The following KLRF1 variants were observed in gnomAD, a reference collection of about 807,000 sequenced individuals.
KLRF1 encodes killer cell lectin like receptor F1, also known as killer cell lectin-like receptor subfamily F member 1.
KLRF1 carries 27 observed loss-of-function variants against 30.7 expected under a neutral mutation model. The ratio of observed to expected loss-of-function variants is 0.88; its 90% confidence interval spans 0.65 to 1.21. KLRF1 has a LOEUF of 1.21. KLRF1 is among the 50% of genes most tolerant of loss of function. KLRF1 has a pLI of 0.00. For synonymous variants in KLRF1, 92 were observed against 89.3 expected, an observed-to-expected ratio of 1.03 and a Z score of -0.17; for missense variants, 246 against 259.3, an observed-to-expected ratio of 0.95 and a Z score of 0.35.
chr12:9,823,236 AC>A (rs1208319797), upstream of KLRF1, among the ~76,000 whole-genome samples: 5 of 144,740 alleles, frequency 3.5e-5, no homozygotes, highest in African/African-American at 1.4e-4. Context: ...AAAAAAAAAA[AC>A]AAAAACTCAA....
the KLRF1 span, among the ~76,000 whole-genome samples, chr12:9,807,187 CT>C: frequency 6.1e-4 from 3 of 4,940 alleles, no homozygotes; most frequent in Non-Finnish European, 0.019. Flanking sequence ...TAGAAAATCA[CT>C]CATGATTTTA....
chr12:9,800,714 A>G, the KLRF1 span, among the ~76,000 whole-genome samples: 1 of 151,468 alleles, frequency 6.6e-6, no homozygotes, highest in Admixed American at 6.6e-5. Flanking sequence ...CAGGTAATTC[A>G]TTTTCTTATT....
At chr12:9,814,234 T>C in the KLRF1 span, among the ~76,000 whole-genome samples, 4 of 152,138 alleles carry the variant, frequency 2.6e-5, no homozygotes, top group Non-Finnish European at 4.4e-5. Flanking sequence ...CCCCAGAGCC[T>C]GACAGCCACT....
chr12:9,836,883 T>C (rs1278612732), intron 3 of KLRF1, among the ~76,000 whole-genome samples: 1 of 152,154 alleles, frequency 6.6e-6, no homozygotes, highest in Admixed American at 6.6e-5. Context: ...CATGGAATCA[T>C]GTACATGGCA....
chr12:9,819,421 C>T, the KLRF1 span, among the ~76,000 whole-genome samples: 1 of 152,170 alleles, frequency 6.6e-6, no homozygotes, highest in South Asian at 2.1e-4. Flanking sequence ...GAAGGAGGGG[C>T]TGGACATCAT....
chr12:9,812,062 G>A, the KLRF1 span, among the ~76,000 whole-genome samples: 3 of 152,148 alleles, frequency 2.0e-5, no homozygotes, highest in Non-Finnish European at 4.4e-5. Context: ...CATCAATAAA[G>A]AATGTTTATA....
At chr12:9,836,783 T>G (rs763320296) in intron 3 of KLRF1, among the ~76,000 whole-genome samples, 2 of 152,286 alleles carry the variant, frequency 1.3e-5, no homozygotes, top group South Asian at 4.1e-4. Context: ...ACCTCATATT[T>G]TATTGTCTCC....
chr12:9,805,316 T>C, the KLRF1 span, among the ~76,000 whole-genome samples: 6 of 151,928 alleles, frequency 3.9e-5, no homozygotes, highest in South Asian at 1.3e-3. Flanking sequence ...CACATTGACA[T>C]CTTGTGTGTC....
intron 3 of KLRF1, among the ~76,000 whole-genome samples, chr12:9,834,188 ACTT>A (rs1173655147): frequency 6.6e-6 from 1 of 151,898 alleles, no homozygotes; most frequent in Non-Finnish European, 1.5e-5. Flanking sequence ...GGCCATTTTC[ACTT>A]CTTTTATGGT....
At chr12:9,808,197 T>G in the KLRF1 span, among the ~76,000 whole-genome samples, 3 of 152,164 alleles carry the variant, frequency 2.0e-5, no homozygotes, top group African/African-American at 7.2e-5. Context: ...GACATATGTG[T>G]GAATCCATGT....
At chr12:9,809,993 T>A in the KLRF1 span, among the ~76,000 whole-genome samples, 1 of 152,176 alleles carries the variant, frequency 6.6e-6, no homozygotes, top group Non-Finnish European at 1.5e-5. Context: ...TTGATAAATC[T>A]GCAAGAAACA....
chr12:9,815,171 C>A, the KLRF1 span, among the ~76,000 whole-genome samples: 1 of 152,114 alleles, frequency 6.6e-6, no homozygotes, highest in South Asian at 2.1e-4. Context: ...GAATACTTTT[C>A]TTATAAATCA....
chr12:9,812,352 G>A, the KLRF1 span, among the ~76,000 whole-genome samples: 1 of 142,614 alleles, frequency 7.0e-6, no homozygotes, highest in South Asian at 2.3e-4. Context: ...GCGACAGAGC[G>A]AGACGCCGTC....
chr12:9,807,396 A>G, the KLRF1 span, among the ~76,000 whole-genome samples: 1 of 152,050 alleles, frequency 6.6e-6, no homozygotes, highest in Non-Finnish European at 1.5e-5. Context: ...TTAAGATATT[A>G]TCTTCATTTC....
chr12:9,832,175 A>G, intron 1 of KLRF1, 141 bp from the exon 2 acceptor site: 1 of 522,386 alleles, frequency 1.9e-6, no homozygotes, highest in Non-Finnish European at 3.4e-6. Context: ...TTTTCTATTT[A>G]CTTAGCCTTC....
the KLRF1 span, among the ~76,000 whole-genome samples, chr12:9,820,499 C>T: frequency 3.3e-5 from 5 of 152,138 alleles, no homozygotes; most frequent in East Asian, 1.9e-4. Context: ...CCATCTTTGC[C>T]GTCTTGCATC....
the KLRF1 span, among the ~76,000 whole-genome samples, chr12:9,807,925 A>G: frequency 6.6e-6 from 1 of 152,100 alleles, no homozygotes; most frequent in Non-Finnish European, 1.5e-5. Flanking sequence ...AACTATTATT[A>G]ACTAATAAAA....
At chr12:9,817,776 C>T in the KLRF1 span, 7 of 205,280 alleles carry the variant, frequency 3.4e-5, no homozygotes, top group Middle Eastern at 1.4e-3. Context: ...TTGATTATTC[C>T]ACCACAGGTG....
upstream of KLRF1, among the ~76,000 whole-genome samples, chr12:9,824,292 T>C (rs1413318939): frequency 6.6e-6 from 1 of 152,116 alleles, no homozygotes; most frequent in Non-Finnish European, 1.5e-5. Flanking sequence ...GGACATTATC[T>C]CTGGGATGCA....
Sources: allele counts gnomAD v4.1 joint callset (sites outside exome capture counted in the v4.1 genomes callset), GRCh38; gene constraint gnomAD v4.1.1; transcripts MANE v1.5; gene names NCBI Gene and HGNC (gene_info 2026-07-23, HGNC 2026-07-21).